RYR1: variants seen among roughly 807,000 people sequenced by gnomAD.
RYR1 encodes ryanodine receptor 1.
Under a neutral mutation model 583.5 loss-of-function variants are expected in RYR1, and 342 were observed. That is an observed-to-expected ratio of 0.59 (90% CI 0.54 to 0.64). The LOEUF (loss-of-function observed/expected upper bound fraction) is 0.64. Ranked by LOEUF, RYR1 falls within the 30% of genes least tolerant of loss-of-function variation. RYR1 has a pLI of 0.00. For synonymous variants in RYR1, 2,791 were observed against 2,822.5 expected (o/e 0.99, Z 0.35); for missense variants, 6,032 against 6,917.2 (o/e 0.87, Z 4.54).
Position 38,503,096 on chromosome 19 carries a change from G to GCGTCCC in RYR1, c.7926+130_7926+135dup, listed in dbSNP as rs1970273473. ...CAATAAACCTGCACTAGTTAGGGCA[G>GCGTCCC]CGTCCCCGTAGAAATCTCTTAGCAT... On this transcript the variant is annotated intron_variant, in intron 49 of 105. Coordinates refer to ENST00000359596, the MANE Select transcript of RYR1 (RefSeq NM_000540.3). 1.4e-5 allele frequency: 12 copies of GCGTCCC among 876,616 alleles called. No homozygotes were observed. The Admixed American group carries it at 2.4e-4, about 17-fold the overall frequency. The allele number at this position is 876,616 out of a possible 1,614,324, so 54.3% of individuals were successfully genotyped here.
At position 38,455,558 on chromosome 19, in the gene RYR1, C is replaced by T. The variant is rs757639147; in HGVS notation, c.1672+12C>T. The T allele has an allele frequency of 8.7e-6, 14 of 1,613,726 alleles. No individual in the cohort carries two copies. The highest frequency in any genetic ancestry group is 1.3e-5 in the African/African-American group (1 of 74,990). ...GGAGGCCTCGTCTGGTAGGAGAACC[C>T]GGGGGAGTGGGACAGAGGCTTGTGG... On this transcript the variant is annotated intron_variant, in intron 15 of 105. Transcript: ENST00000359596.
At position 38,485,809 on chromosome 19, in the gene RYR1, C is replaced by T; in HGVS notation, c.5154C>T (p.His1718=). The change falls in exon 34 of 106, where the codon CAC becomes CAT. Residue 1718 remains histidine, a synonymous_variant. Coordinates refer to ENST00000359596, the MANE Select transcript of RYR1 (RefSeq NM_000540.3). ...ACTATGACCTCCTCATCAGCATCCA[C>T]CTCGAAAGTGCCTGCCGCAGCCGCC... is the stretch of plus-strand genomic sequence containing the variant. The part of the protein sequence containing the change: ...AGYYDLLISI[H]LESACRSRRS... The T allele has an allele frequency of 6.2e-7, 1 of 1,613,432 alleles. No homozygotes were observed. The highest frequency in any genetic ancestry group is 8.5e-7 in the Non-Finnish European group (1 of 1,179,992).
intron 48 of RYR1, 70 bp downstream of exon 48, chr19:38,502,797 G>A (rs1970229189): frequency 2.5e-6 from 2 of 788,934 alleles, no homozygotes; most frequent in Non-Finnish European, 3.5e-6. Context: ...AGGGGCAGGG[G>A]CAGGGGCAGG....
At chr19:38,502,784 GGC>G in intron 48 of RYR1, 57 bp downstream of exon 48, 3 of 1,181,036 alleles carry the variant, frequency 2.5e-6, no homozygotes, top group Non-Finnish European at 3.5e-6. Flanking sequence ...CAGGGGCAGG[GGC>G]AGGGGCAGGG....
intron 56 of RYR1, 104 bp downstream of exon 56, chr19:38,506,650 G>T: frequency 6.7e-7 from 1 of 1,502,176 alleles, no homozygotes. Flanking sequence ...TCTGTAGATG[G>T]GAATAATAAC....
intron 76 of RYR1, among the ~76,000 whole-genome samples, chr19:38,531,675 T>C (rs1971745889): frequency 1.3e-5 from 2 of 152,240 alleles, no homozygotes; most frequent in Admixed American, 6.5e-5. Flanking sequence ...ACACCTGTAA[T>C]TCCAGTACTT....
rs780579604 is a variant in RYR1 at position 38,483,447 on chromosome 19, G to A, written c.4865G>A (p.Arg1622Gln). The A allele has an allele frequency of 1.8e-5, 28 of 1,571,374 alleles. No individual in the cohort carries two copies. The highest frequency in any genetic ancestry group is 1.3e-4 in the Admixed American group (7 of 53,584). Residue 1622 changes from arginine (R) to glutamine (Q), a missense_variant, in exon 33 of 106, where the codon CGG (arginine) becomes CAG (glutamine). Transcript: ENST00000359596. The surrounding 1 kb of genome is among the most constrained non-coding windows in gnomAD (Gnocchi z 6.3). ...LQVETRRAGE[R>Q]LGWAVQCQEP... ...GTGGAGACGAGGCGTGCCGGCGAGC[G>A]GCTGGGCTGGGCCGTGCAGTGCCAG...
chr19:38,548,376 G>A lies in RYR1; in HGVS notation c.12238G>A (p.Val4080Ile), dbSNP rs1293266518. 3.7e-6 allele frequency: 6 copies of A among 1,614,132 alleles called. No individual in the cohort carries two copies. Among genetic ancestry groups the A allele is most frequent in the South Asian group, 1.1e-5 (1 of 91,080 alleles). The change falls in exon 89 of 106, where the codon GTA becomes ATA. Residue 4080 changes from valine to isoleucine, a missense_variant. Physicochemically the swap from Val to Ile is conservative, Grantham distance 29. Around this residue, in one of 11 missense-constraint regions of RYR1, gnomAD observed 753 missense variants for 759.6 expected, o/e 0.99. Transcript: ENST00000359596. ...GGGCTCTGAAGCCTTCCAGGACTAC[G>A]TAACGGATCCCCGTGGCCTCATCTC... ...IVGSEAFQDY[V>I]TDPRGLISKK...
Position 38,566,448 on chromosome 19 carries a change from CAAAAAAAAAAAA to C in RYR1, c.13438-445_13438-434del, listed in dbSNP as rs71165563. ...TGGGCGACAGAGCGAGACTCTGTCT[CAAAAAAAAAAAA>C]AAAAAAAAAAAAAAAAAGGAAAAGA... On this transcript the variant is annotated intron_variant, in intron 91 of 105. Coordinates refer to ENST00000359596, the MANE Select transcript of RYR1 (RefSeq NM_000540.3). 1.8e-3 allele frequency among the ~76,000 whole-genome samples: 90 copies of C among 51,064 alleles called. 1 individual carries two copies. The highest frequency in any genetic ancestry group is 0.01 in the Admixed American group (40 of 3,918). 33.5% of individuals were successfully genotyped at this position (51,064 alleles called of 152,430 possible).
At chr19:38,502,470 T>G in intron 47 of RYR1, 37 bp from the exon 48 acceptor site, 1 of 1,568,036 alleles carries the variant, frequency 6.4e-7, no homozygotes, top group Non-Finnish European at 8.7e-7. Flanking sequence ...GCCCCAGGGG[T>G]GTGCAGCGGG....
At chr19:38,576,038 T>G in intron 97 of RYR1, 77 bp downstream of exon 97, 2 of 1,529,918 alleles carry the variant, frequency 1.3e-6, no homozygotes, top group Non-Finnish European at 1.8e-6. Context: ...TGCCAAGCAC[T>G]TGCTTGGTGT....
intron 105 of RYR1, among the ~76,000 whole-genome samples, chr19:38,587,060 G>T (rs1256441551): frequency 6.6e-6 from 1 of 152,162 alleles, no homozygotes; most frequent in East Asian, 1.9e-4. Flanking sequence ...CTTGAGACCA[G>T]AAGTTCAAGA....
intron 84 of RYR1, among the ~76,000 whole-genome samples, chr19:38,539,198 G>A (rs1972098595): frequency 6.8e-6 from 1 of 146,570 alleles, no homozygotes; most frequent in South Asian, 2.2e-4. Flanking sequence ...GTTTTTCAAG[G>A]TTTATTAAAT....
chr19:38,570,526 T>C, intron 93 of RYR1, 81 bp from the exon 94 acceptor site: 1 of 958,158 alleles, frequency 1.0e-6, no homozygotes, highest in Non-Finnish European at 1.7e-6. Flanking sequence ...GGTACTTTGA[T>C]TGCAGGTAAA....
chr19:38,503,225 G>A (rs958792806), intron 49 of RYR1, among the ~76,000 whole-genome samples: 31 of 152,096 alleles, frequency 2.0e-4, no homozygotes, highest in Admixed American at 5.2e-4. Context: ...GCCAGCCCCC[G>A]CTTCAATTAG....
chr19:38,527,080 G>T, intron 72 of RYR1, 28 bp downstream of exon 72: 1 of 1,612,722 alleles, frequency 6.2e-7, no homozygotes, highest in Non-Finnish European at 8.5e-7. Context: ...GCAAGCAAAA[G>T]AAGCAAGTCA....
Position 38,565,426 on chromosome 19 carries a change from C to T in RYR1, c.13092C>T (p.Gly4364=), listed in dbSNP as rs536323867. 3.6e-5 allele frequency: 53 copies of T among 1,488,788 alleles called. No individual in the cohort carries two copies. In the African/African-American group the frequency reaches 6.3e-4, roughly 18 times the overall value. 92.2% of individuals were successfully genotyped at this position (1,488,788 alleles called of 1,614,324 possible). Residue 4364 remains glycine, a synonymous_variant, in exon 91 of 106, where the codon GGC becomes GGT. Transcript: ENST00000359596. The surrounding 1 kb of genome is among the most constrained non-coding windows in gnomAD (Gnocchi z 4.7). Reference sequence around the variant, plus strand: ...GCCTGCTCTGGGGCTCGCTGTTCGGCGGCGGCCTGGTGGAGGGCGCCAAGA... The same window carrying T: ...GCCTGCTCTGGGGCTCGCTGTTCGGTGGCGGCCTGGTGGAGGGCGCCAAGA... ...ALGLLWGSLF[G]GGLVEGAKKV... is the part of the protein sequence containing the mutation.
At position 38,510,501 on chromosome 19, in the gene RYR1, C is replaced by CTG. The variant is rs1437645727; in HGVS notation, c.8939_8940dup (p.Val2981TrpfsTer26). 1 of 1,614,092 alleles carries CTG rather than the reference C, an allele frequency of 6.2e-7. No individual in the cohort carries two copies. Among genetic ancestry groups the CTG allele is most frequent in the Non-Finnish European group, 8.5e-7 (1 of 1,180,036 alleles). ...ACCCTATTTGCCCTCCCTACAGAGG[C>CTG]TGTGGTCAGCAGTGGGCGAGTGGAA... On this transcript the variant is annotated frameshift_variant, in exon 59 of 106. Coordinates refer to ENST00000359596, the MANE Select transcript of RYR1 (RefSeq NM_000540.3). LOFTEE classifies it high-confidence loss of function.
chr19:38,460,716 G>A (rs955493971), intron 20 of RYR1, 125 bp downstream of exon 20: 71 of 913,970 alleles, frequency 7.8e-5, no homozygotes, highest in South Asian at 1.7e-4. Flanking sequence ...GGTGGCTCAC[G>A]CCTGTAAGCC....
Sources: allele counts gnomAD v4.1 joint callset (sites outside exome capture counted in the v4.1 genomes callset), GRCh38; gene constraint gnomAD v4.1.1; regional missense constraint gnomAD v4.1.1; non-coding constraint Gnocchi (gnomAD v3.1); transcripts MANE v1.5; gene names NCBI Gene and HGNC (gene_info 2026-07-23, HGNC 2026-07-21).